COBLL1: variants seen among roughly 807,000 people sequenced by gnomAD.
COBLL1 encodes the protein cordon-bleu WH2 repeat protein like 1.
Under a neutral mutation model 94.8 loss-of-function variants are expected in COBLL1, and 50 were observed. That is an observed-to-expected ratio of 0.53 (90% CI 0.42 to 0.67). The LOEUF is 0.67. Ranked by LOEUF, COBLL1 falls within the 30% of genes least tolerant of loss-of-function variation. The pLI, the probability that COBLL1 is intolerant of heterozygous loss-of-function variation, is 0.00. For missense variants in COBLL1, 1,362 were observed against 1,348.7 expected (o/e 1.01, Z -0.15); for synonymous variants, 448 against 473.8 (o/e 0.95, Z 0.71).
intron 2 of COBLL1, chr2:164,800,613 A>C: frequency 2.9e-6 from 2 of 698,600 alleles, no homozygotes; most frequent in South Asian, 3.0e-5. Flanking sequence ...ACTGTACTTG[A>C]ATGTTCTATT....
At chr2:164,729,004 G>A (rs1005368351) in intron 4 of COBLL1, among the ~76,000 whole-genome samples, 2 of 151,630 alleles carry the variant, frequency 1.3e-5, no homozygotes, top group Non-Finnish European at 2.9e-5. Flanking sequence ...ATAATCCCAC[G>A]CTATAGCATA....
chr2:164,705,378 T>G (rs1470249106), intron 7 of COBLL1: 1 of 272,824 alleles, frequency 3.7e-6, no homozygotes, highest in Admixed American at 5.3e-5. Flanking sequence ...GACTCATAAG[T>G]AACAGAGTTA....
intron 2 of COBLL1, among the ~76,000 whole-genome samples, chr2:164,839,086 T>C (rs888980170): frequency 6.6e-6 from 1 of 152,208 alleles, no homozygotes; most frequent in African/African-American, 2.4e-5. Flanking sequence ...TTTTTCATGT[T>C]GATATTTTTC....
At chr2:164,679,573 A>G (rs1682950574), downstream of COBLL1, among the ~76,000 whole-genome samples, 1 of 152,122 alleles carries the variant, frequency 6.6e-6, no homozygotes, top group Admixed American at 6.6e-5. Context: ...CTTCATGAGT[A>G]AAATGTGATA....
At chr2:164,671,542 C>G (rs1300239139) in intron 1 of COBLL1, among the ~76,000 whole-genome samples, 1 of 152,148 alleles carries the variant, frequency 6.6e-6, no homozygotes, top group Non-Finnish European at 1.5e-5. Flanking sequence ...AAGGTGATAA[C>G]CAGTTCCATG....
intron 2 of COBLL1, among the ~76,000 whole-genome samples, chr2:164,818,601 A>ATGTGTACATATGTACACATATATGGCG (rs1684983488): frequency 7.1e-6 from 1 of 140,240 alleles, no homozygotes; most frequent in African/African-American, 2.7e-5. Context: ...CATATATAGC[A>ATGTGTACATATGTACACATATATGGCG]TATGTGTACA....
At chr2:164,752,933 T>A (rs906977966) in intron 2 of COBLL1, among the ~76,000 whole-genome samples, 2 of 152,224 alleles carry the variant, frequency 1.3e-5, no homozygotes, top group African/African-American at 4.8e-5. Flanking sequence ...ACATAAAATA[T>A]TTATGCACAA....
intron 2 of COBLL1, among the ~76,000 whole-genome samples, chr2:164,792,332 T>A (rs1369319579): frequency 6.6e-6 from 1 of 152,072 alleles, no homozygotes; most frequent in Non-Finnish European, 1.5e-5. Context: ...TCTCACTATG[T>A]TGCCCAGGCT....
chr2:164,702,997 T>C lies in COBLL1; in HGVS notation c.1225+1447A>G, dbSNP rs76497541. ...GAAAAAGGGGAAACTTCTCTTTCTT[T>C]ATAAAATATGTTTACACAAGGTTTC... On this transcript the variant is annotated intron_variant, in intron 9 of 13. Coordinates refer to ENST00000652658, the MANE Select transcript of COBLL1 (RefSeq NM_001365672.2). 1,101 of 653,342 alleles carry C rather than the reference T, an allele frequency of 1.7e-3. 1 individual carries two copies. Among genetic ancestry groups the C allele is most frequent in the Non-Finnish European group, 2.6e-3 (982 of 377,710 alleles). The allele number at this position is 653,342 out of a possible 1,614,324, so 40.5% of individuals were successfully genotyped here.
chr2:164,676,937 A>G (rs1453136430), downstream of COBLL1, among the ~76,000 whole-genome samples: 1 of 152,172 alleles, frequency 6.6e-6, no homozygotes, highest in Non-Finnish European at 1.5e-5. Flanking sequence ...TTATATAATA[A>G]ACATCTCTAA....
chr2:164,802,728 A>T (rs1004947258), intron 2 of COBLL1, among the ~76,000 whole-genome samples: 1 of 152,246 alleles, frequency 6.6e-6, no homozygotes, highest in Non-Finnish European at 1.5e-5. Context: ...TTGAAGTATC[A>T]GTATTTTGAT....
At position 164,680,617 on chromosome 2, in the gene COBLL1, C is replaced by A. The variant is rs1325711654; in HGVS notation, c.*5329G>T. 4 of 152,096 alleles carry A rather than the reference C, an allele frequency of 2.6e-5. No individual in the cohort carries two copies. The highest frequency in any genetic ancestry group is 9.7e-5 in the African/African-American group (4 of 41,414). The allele number at this position is 152,096 out of a possible 1,614,324, so 9.4% of individuals were successfully genotyped here. A position where few individuals can be genotyped will look rare whatever the true frequency, so the allele number is the denominator to read the frequency against. On this transcript the variant is annotated 3_prime_UTR_variant, in exon 14 of 14. Coordinates refer to ENST00000652658, the MANE Select transcript of COBLL1 (RefSeq NM_001365672.2). ...ATTCTGCTTCTTCCTTCTTTGTACA[C>A]TTTCAGGTTTTCAATGAAATAGCAC...
intron 7 of COBLL1, among the ~76,000 whole-genome samples, chr2:164,720,500 G>A (rs1685390306): frequency 6.6e-6 from 1 of 151,926 alleles, no homozygotes; most frequent in Non-Finnish European, 1.5e-5. Context: ...TGTGAGCATG[G>A]GCTAAAGTAT....
chr2:164,718,279 A>G, intron 7 of COBLL1: 3 of 983,532 alleles, frequency 3.1e-6, no homozygotes, highest in Non-Finnish European at 3.6e-6. Context: ...AAATTTAACA[A>G]TGCTGCAAGC....
intron 2 of COBLL1, among the ~76,000 whole-genome samples, chr2:164,798,699 C>T (rs1033658854): frequency 1.3e-5 from 2 of 152,156 alleles, no homozygotes; most frequent in African/African-American, 4.8e-5. Flanking sequence ...GCAAAAGAAA[C>T]TGGTCTTGCT....
At position 164,801,073 on chromosome 2, in the gene COBLL1, G is replaced by T. The variant is rs570858791; in HGVS notation, c.41+40083C>A. 2.3e-4 allele frequency among the ~76,000 whole-genome samples: 35 copies of T among 152,236 alleles called. 1 individual carries two copies. The South Asian group carries it at 5.0e-3, about 22-fold the overall frequency. The stretch of plus-strand genomic sequence containing the variant: ...CCAACTCTGGGAAAATAAGGAGGGA[G>T]GATTGCTTGAGGCCAGGAGTTCAAG... On this transcript the variant is annotated intron_variant, in intron 2 of 13. Coordinates refer to ENST00000652658, the MANE Select transcript of COBLL1 (RefSeq NM_001365672.2).
At chr2:164,792,823 T>C (rs1238224450) in intron 2 of COBLL1, among the ~76,000 whole-genome samples, 1 of 152,140 alleles carries the variant, frequency 6.6e-6, no homozygotes, top group African/African-American at 2.4e-5. Flanking sequence ...AACACGCCTG[T>C]CCTGCAATCA....
chr2:164,835,584 A>T (rs1683283003), intron 2 of COBLL1, among the ~76,000 whole-genome samples: 2 of 152,176 alleles, frequency 1.3e-5, no homozygotes, highest in African/African-American at 4.8e-5. Flanking sequence ...TGATGGTTCA[A>T]CAATATGAAT....
intron 2 of COBLL1, chr2:164,800,666 G>A (rs2105317368): frequency 1.5e-6 from 1 of 656,406 alleles, no homozygotes; most frequent in Non-Finnish European, 2.7e-6. Flanking sequence ...GGTATTCAAT[G>A]GGTGAATGGA....
Sources: allele counts gnomAD v4.1 joint callset (sites outside exome capture counted in the v4.1 genomes callset), GRCh38; gene constraint gnomAD v4.1.1; transcripts MANE v1.5; gene names NCBI Gene and HGNC (gene_info 2026-07-23, HGNC 2026-07-21).